Variants in INPP4B observed in about 807,000 individuals in gnomAD.
INPP4B encodes the protein inositol polyphosphate-4-phosphatase type II B.
A neutral mutation model predicts 122.5 loss-of-function variants in INPP4B; 55 were observed. The observed-to-expected ratio is 0.45, with a 90% CI of 0.36 to 0.56. The LOEUF (loss-of-function observed/expected upper bound fraction) is 0.56, where lower values mean the gene tolerates loss of function less well. Among genes scored for constraint, INPP4B ranks in the 20% least tolerant of loss-of-function variants. The pLI, the probability that INPP4B is intolerant of heterozygous loss-of-function variation, is 0.00. For missense variants in INPP4B, 1,000 were observed against 1,097.7 expected (o/e 0.91, Z 1.26); for synonymous variants, 403 against 388.7 (o/e 1.04, Z -0.43).
intron 7 of INPP4B, among the ~76,000 whole-genome samples, chr4:142,388,454 T>C (rs1417504570): frequency 6.6e-6 from 1 of 152,010 alleles, no homozygotes; most frequent in Non-Finnish European, 1.5e-5. Context: ...AATGCACACA[T>C]GAGAGGCCCT....
rs1255962390 is a variant in INPP4B, at chr4:142,263,635, G to A, written c.616-3071C>T. Among the ~76,000 whole-genome samples the A allele has an allele frequency of 3.7e-4, 14 of 37,476 alleles. No homozygotes were observed. In the East Asian group the frequency reaches 0.012, roughly 31 times the overall value. The allele number at this position is 37,476 out of a possible 152,430, so 24.6% of individuals were successfully genotyped here. A position where few individuals can be genotyped will look rare whatever the true frequency, so the allele number is the denominator to read the frequency against. On this transcript the variant is annotated intron_variant, in intron 10 of 25. Transcript: ENST00000262992. ...AATAGACCACAAATGAGATAAATTC[G>A]TAAAATATATATATATATATATATA...
At chr4:142,604,356 T>C (rs1035999631) in intron 2 of INPP4B, among the ~76,000 whole-genome samples, 3 of 152,106 alleles carry the variant, frequency 2.0e-5, no homozygotes, top group Non-Finnish European at 4.4e-5. Context: ...CTATTTATCA[T>C]AATACTGTAA....
chr4:142,126,038 A>T (rs996991275), intron 18 of INPP4B, among the ~76,000 whole-genome samples: 5 of 152,156 alleles, frequency 3.3e-5, no homozygotes, highest in African/African-American at 1.2e-4. Flanking sequence ...CTAGATTTCT[A>T]ACAGGCATCA....
intron 2 of INPP4B, among the ~76,000 whole-genome samples, chr4:142,574,535 A>G (rs1485393662): frequency 5.3e-5 from 8 of 152,072 alleles, no homozygotes; most frequent in African/African-American, 1.9e-4. Context: ...AGTTACTTGA[A>G]GCTTACAGAG....
At chr4:142,472,876 T>G (rs1170792487) in intron 2 of INPP4B, among the ~76,000 whole-genome samples, 1 of 152,176 alleles carries the variant, frequency 6.6e-6, no homozygotes, top group African/African-American at 2.4e-5. Context: ...AAAGAAAAAC[T>G]TTTCTACTTT....
chr4:142,166,389 T>G (rs1822735064), intron 16 of INPP4B, among the ~76,000 whole-genome samples: 1 of 151,640 alleles, frequency 6.6e-6, no homozygotes, highest in Admixed American at 6.6e-5. Flanking sequence ...AAAAACTAAC[T>G]CAAGATAGAT....
intron 2 of INPP4B, among the ~76,000 whole-genome samples, chr4:142,544,151 G>GTGTA (rs1829279817): frequency 6.6e-6 from 1 of 151,486 alleles, no homozygotes; most frequent in African/African-American, 2.4e-5. Context: ...GTGTGTGTGT[G>GTGTA]TGTGTGTAGG....
At chr4:142,736,314 C>T (rs962056524) in intron 1 of INPP4B, among the ~76,000 whole-genome samples, 6 of 151,956 alleles carry the variant, frequency 3.9e-5, no homozygotes, top group South Asian at 4.2e-4. Flanking sequence ...ATGAAACTTG[C>T]TCTTGTAATT....
chr4:142,770,288 T>C (rs1772842804), intron 1 of INPP4B, among the ~76,000 whole-genome samples: 1 of 150,856 alleles, frequency 6.6e-6, no homozygotes, highest in Non-Finnish European at 1.5e-5. Flanking sequence ...ATATCAATGT[T>C]CCATGTATAA....
chr4:142,605,590 A>G (rs1741060512), intron 2 of INPP4B, among the ~76,000 whole-genome samples: 1 of 151,992 alleles, frequency 6.6e-6, no homozygotes. Context: ...TACAAAAACA[A>G]GTAATCCTAC....
At chr4:142,554,502 C>T (rs1728730586) in intron 2 of INPP4B, among the ~76,000 whole-genome samples, 1 of 152,018 alleles carries the variant, frequency 6.6e-6, no homozygotes, top group Non-Finnish European at 1.5e-5. Context: ...CCTATTTAAA[C>T]CTTTTAGTGG....
chr4:142,070,461 A>C (rs1051736728), intron 25 of INPP4B, among the ~76,000 whole-genome samples: 29 of 152,260 alleles, frequency 1.9e-4, no homozygotes, highest in African/African-American at 6.5e-4. Flanking sequence ...ATTCCTCTTC[A>C]ATATAGTGTT....
At chr4:142,360,929 A>G (rs533082697) in intron 7 of INPP4B, among the ~76,000 whole-genome samples, 80 of 152,038 alleles carry the variant, frequency 5.3e-4, no homozygotes, top group African/African-American at 1.9e-3. Context: ...TTATATATAC[A>G]TATCTATATA....
At chr4:142,480,354 A>C (rs1820358686) in intron 2 of INPP4B, among the ~76,000 whole-genome samples, 1 of 152,122 alleles carries the variant, frequency 6.6e-6, no homozygotes, top group African/African-American at 2.4e-5. Context: ...AGCTTTATGA[A>C]GTTTTTCAGA....
intron 1 of INPP4B, among the ~76,000 whole-genome samples, chr4:142,735,000 T>G (rs763929326): frequency 2.0e-5 from 3 of 152,196 alleles, no homozygotes; most frequent in Non-Finnish European, 4.4e-5. Context: ...AAAAGGAAGC[T>G]TTCAATCTGC....
chr4:142,062,646 G>T (rs1055190046), intron 25 of INPP4B, among the ~76,000 whole-genome samples: 4 of 152,056 alleles, frequency 2.6e-5, no homozygotes, highest in African/African-American at 9.7e-5. Context: ...TGAGGCAGGA[G>T]AATCACTTGA....
At chr4:142,809,685 G>C (rs367843177) in intron 1 of INPP4B, among the ~76,000 whole-genome samples, 5 of 152,264 alleles carry the variant, frequency 3.3e-5, no homozygotes, top group Admixed American at 2.6e-4. Context: ...ATATGTATCA[G>C]AGCTTATTTA....
chr4:142,157,065 T>A (rs1234124264), intron 17 of INPP4B, among the ~76,000 whole-genome samples: 1 of 152,114 alleles, frequency 6.6e-6, no homozygotes, highest in Non-Finnish European at 1.5e-5. Flanking sequence ...AAATGCTGAG[T>A]TACTACCAGC....
At chr4:142,078,333 C>T (rs1401625526) in intron 25 of INPP4B, among the ~76,000 whole-genome samples, 1 of 152,010 alleles carries the variant, frequency 6.6e-6, no homozygotes, top group East Asian at 1.9e-4. Flanking sequence ...TCATATTCTG[C>T]AGCTTGTGCT....
Sources: allele counts gnomAD v4.1 joint callset (sites outside exome capture counted in the v4.1 genomes callset), GRCh38; gene constraint gnomAD v4.1.1; transcripts MANE v1.5; gene names NCBI Gene and HGNC (gene_info 2026-07-23, HGNC 2026-07-21).